PPRC1: variants seen among roughly 807,000 people sequenced by gnomAD.
The protein encoded by PPRC1 is peroxisome proliferator-activated receptor gamma coactivator-related protein 1.
In PPRC1, 23 loss-of-function variants were observed where a neutral mutation model predicts 132.5. The ratio of observed to expected loss-of-function variants is 0.17; its 90% confidence interval spans 0.12 to 0.25. PPRC1 has a LOEUF of 0.25. PPRC1 is among the 10% of genes least tolerant of loss of function. The probability of loss-of-function intolerance (pLI) is 1.00; values close to 1 mark genes in which losing one functional copy is unlikely to be tolerated. For synonymous variants in PPRC1, 872 were observed against 833.5 expected, an observed-to-expected ratio of 1.05 and a Z score of -0.80; for missense variants, 2,006 against 2,089.1, an observed-to-expected ratio of 0.96 and a Z score of 0.78.
chr10:102,138,664 G>C lies in PPRC1; in HGVS notation c.388G>C (p.Ala130Pro). 1.9e-6 allele frequency: 3 copies of C among 1,614,198 alleles called. No homozygotes were observed. The highest frequency in any genetic ancestry group is 2.5e-6 in the Non-Finnish European group (3 of 1,180,028). ...CCAGAATGAAGTGTCGCTGCTCACG[G>C]CTCTGACGGAGATCTTGGACAATGC... Reference protein sequence around the residue: ...EDQNEVSLLTALTEILDNADS... With the variant: ...EDQNEVSLLTPLTEILDNADS... The change falls in exon 3 of 14, where the codon GCT (alanine) becomes CCT (proline). Residue 130 changes from alanine (A) to proline (P), a missense_variant. Coordinates refer to ENST00000278070, the MANE Select transcript of PPRC1 (RefSeq NM_015062.5).
intron 7 of PPRC1, chr10:102,144,764 G>A: frequency 7.6e-6 from 4 of 527,510 alleles, no homozygotes; most frequent in East Asian, 6.4e-5. Context: ...CTGGGCAGGT[G>A]AGACTCGATG....
chr10:102,138,473 C>G lies in PPRC1; in HGVS notation c.343-146C>G, dbSNP rs924649580. 3 of 978,566 alleles carry G rather than the reference C, an allele frequency of 3.1e-6. No individual in the cohort carries two copies. The Admixed American group carries it at 8.2e-5, about 27-fold the overall frequency. 60.6% of individuals were successfully genotyped at this position (978,566 alleles called of 1,614,324 possible). A position where few individuals can be genotyped will look rare whatever the true frequency, so the allele number is the denominator to read the frequency against. On this transcript the variant is annotated intron_variant, in intron 2 of 13. Coordinates refer to ENST00000278070, the MANE Select transcript of PPRC1 (RefSeq NM_015062.5). ...GGTGGATGGTAGCTGAGATTGGAAT[C>G]CATGCCTTCTGGTATTCAGATCCTT...
At chr10:102,144,965 G>T in intron 7 of PPRC1, 55 bp from the exon 8 acceptor site, 68 of 1,324,950 alleles carry the variant, frequency 5.1e-5, no homozygotes, top group Non-Finnish European at 6.6e-5. Flanking sequence ...AAAGGCAAAT[G>T]TATAAGATAT....
rs1315056452 is a variant in PPRC1, at chr10:102,136,318, T to TG, written c.154-1526dup. Among the ~76,000 whole-genome samples, 12 of 150,168 alleles carry TG rather than the reference T, an allele frequency of 8.0e-5. No individual in the cohort carries two copies. In the East Asian group the frequency reaches 2.4e-3, roughly 30 times the overall value. On this transcript the variant is annotated intron_variant, in intron 1 of 13. Transcript: ENST00000278070. ...TAGGAGGGTATATATTGCCGGGGTG[T>TG]GGGGGGTGGGGGTGTGGAAGACACC...
chr10:102,137,466 T>A (rs1590323370), intron 1 of PPRC1, among the ~76,000 whole-genome samples: 1 of 152,116 alleles, frequency 6.6e-6, no homozygotes, highest in African/African-American at 2.4e-5. Flanking sequence ...TAGGTGAGGT[T>A]GTTGGAGCTG....
chr10:102,129,941 A>G (rs369789999), upstream of PPRC1, among the ~76,000 whole-genome samples: 1 of 152,162 alleles, frequency 6.6e-6, no homozygotes, highest in Non-Finnish European at 1.5e-5. Context: ...TCCACACAGG[A>G]AAAACTATGC....
intron 2 of PPRC1, 69 bp from the exon 3 acceptor site, chr10:102,138,550 C>A: frequency 6.5e-7 from 1 of 1,545,356 alleles, no homozygotes; most frequent in Admixed American, 1.8e-5. Context: ...CTCTCGATAT[C>A]CAGTCCTTAG....
At chr10:102,134,161 G>A (rs990687463) in intron 1 of PPRC1, among the ~76,000 whole-genome samples, 5 of 152,072 alleles carry the variant, frequency 3.3e-5, no homozygotes, top group African/African-American at 9.7e-5. Flanking sequence ...ATACACCTGG[G>A]ACAAGGTTAA....
chr10:102,142,939 C>A, intron 5 of PPRC1, 106 bp from the exon 6 acceptor site: 3 of 956,566 alleles, frequency 3.1e-6, no homozygotes, highest in Non-Finnish European at 4.8e-6. Flanking sequence ...GTACAGAGGG[C>A]AGGGGGAGTG....
At chr10:102,124,727 C>G in the PPRC1 span, among the ~76,000 whole-genome samples, 4 of 151,300 alleles carry the variant, frequency 2.6e-5, no homozygotes, top group Admixed American at 1.3e-4. Flanking sequence ...ACTGCAGCCT[C>G]AAACTTCTGG....
chr10:102,127,516 C>T, the PPRC1 span, among the ~76,000 whole-genome samples: 1 of 152,188 alleles, frequency 6.6e-6, no homozygotes, highest in Non-Finnish European at 1.5e-5. Context: ...AAGTGATCCT[C>T]TCATCTCAGC....
the PPRC1 span, chr10:102,120,559 C>T: frequency 9.3e-6 from 2 of 214,964 alleles, no homozygotes; most frequent in Non-Finnish European, 1.6e-5. Flanking sequence ...AGAGCCGTGT[C>T]AAAGTGACCC....
chr10:102,122,104 A>T, the PPRC1 span, among the ~76,000 whole-genome samples: 1 of 150,680 alleles, frequency 6.6e-6, no homozygotes, highest in Non-Finnish European at 1.5e-5. Context: ...CTCCACCCCC[A>T]CCAGGAGCAG....
rs1241823311 is a variant in PPRC1 at position 102,140,617 on chromosome 10, G to A, written c.2109G>A (p.Gly703=). Residue 703 remains glycine (G), a synonymous_variant, in exon 5 of 14, where the codon GGG becomes GGA. Transcript: ENST00000278070. ...PRRGAVSSAL[G]GSAPQLLVES... is the part of the protein sequence containing the mutation. ...GTGGTGCAGTGTCATCAGCCCTGGG[G>A]GGTTCAGCACCCCAGCTCCTCGTGG... 1.2e-6 allele frequency: 2 copies of A among 1,613,872 alleles called. No individual in the cohort carries two copies. The highest frequency in any genetic ancestry group is 1.3e-5 in the African/African-American group (1 of 74,864).
chr10:102,120,237 C>T, the PPRC1 span: 6 of 983,270 alleles, frequency 6.1e-6, no homozygotes, highest in Non-Finnish European at 7.2e-6. Context: ...CCGGCCCGGC[C>T]TCGGCCCGGT....
intron 3 of PPRC1, 53 bp downstream of exon 3, chr10:102,138,818 GT>G: frequency 6.2e-7 from 1 of 1,612,688 alleles, no homozygotes; most frequent in Non-Finnish European, 8.5e-7. Flanking sequence ...ACCCATGCCT[GT>G]GGACCTACTC....
intron 1 of PPRC1, among the ~76,000 whole-genome samples, chr10:102,135,577 C>T (rs1274554395): frequency 6.6e-6 from 1 of 152,086 alleles, no homozygotes; most frequent in Non-Finnish European, 1.5e-5. Context: ...CAGGGTTTCA[C>T]CATATTGGTC....
chr10:102,147,879 G>T (rs1428466839), intron 9 of PPRC1, among the ~76,000 whole-genome samples: 1 of 152,040 alleles, frequency 6.6e-6, no homozygotes, highest in Non-Finnish European at 1.5e-5. Flanking sequence ...ACTTAATGAA[G>T]AATTCTTGGG....
rs779858258 is a variant in PPRC1, at chr10:102,147,096, C to G, written c.4104C>G (p.Pro1368=). The G allele has an allele frequency of 1.2e-6, 2 of 1,614,218 alleles. No individual in the cohort carries two copies. The highest frequency in any genetic ancestry group is 2.2e-5 in the South Asian group (2 of 91,086). The change falls in exon 9 of 14, where the codon CCC becomes CCG. Residue 1368 remains proline (P), a synonymous_variant. Coordinates refer to ENST00000278070, the MANE Select transcript of PPRC1 (RefSeq NM_015062.5). ...GTGAGCAGGCAGATCCCTCAGCACC[C>G]TGCCTTGCCCCATCCAGCTTGCTGT... ...TSSEQADPSA[P]CLAPSSLLSP...
Sources: allele counts gnomAD v4.1 joint callset (sites outside exome capture counted in the v4.1 genomes callset), GRCh38; gene constraint gnomAD v4.1.1; transcripts MANE v1.5; gene names NCBI Gene and HGNC (gene_info 2026-07-23, HGNC 2026-07-21).